Variants in SSBP2 observed in about 807,000 individuals in gnomAD.
The protein encoded by SSBP2 is single-stranded DNA-binding protein 2.
Under a neutral mutation model 61.8 loss-of-function variants are expected in SSBP2, and 17 were observed. That is an observed-to-expected ratio of 0.28 (90% CI 0.19 to 0.41). SSBP2 has a LOEUF of 0.41. Ranked by LOEUF, SSBP2 falls within the 10% of genes least tolerant of loss-of-function variation. The pLI is 1.00. For missense variants in SSBP2, 310 were observed against 458.7 expected (o/e 0.68, Z 2.96); for synonymous variants, 139 against 141.3 (o/e 0.98, Z 0.12).
chr5:81,457,507 T>A (rs559628987), intron 10 of SSBP2, among the ~76,000 whole-genome samples: 2 of 152,250 alleles, frequency 1.3e-5, no homozygotes, highest in African/African-American at 4.8e-5. Context: ...ACATTCAAAG[T>A]AAGTCTCTAA....
chr5:81,492,446 G>C (rs1421915376), intron 5 of SSBP2, among the ~76,000 whole-genome samples: 4 of 152,320 alleles, frequency 2.6e-5, no homozygotes, highest in Admixed American at 6.5e-5. Context: ...GGAGGTTGCA[G>C]TGAACGGAGA....
rs574229603 is a variant in SSBP2 at position 81,605,098 on chromosome 5, T to C, written c.282+10375A>G. Among the ~76,000 whole-genome samples the C allele has an allele frequency of 2.6e-5, 4 of 152,226 alleles. No homozygotes were observed. In the South Asian group the frequency reaches 8.3e-4, roughly 32 times the overall value. On this transcript the variant is annotated intron_variant, in intron 4 of 16. Transcript: ENST00000320672. ...CTTAGAATATCTAAACTACAAAAAT[T>C]AAAACCCTAAAGTGAATTACTGTTT...
chr5:81,472,269 G>C (rs1765297822), intron 8 of SSBP2, among the ~76,000 whole-genome samples: 1 of 152,094 alleles, frequency 6.6e-6, no homozygotes, highest in South Asian at 2.1e-4. Flanking sequence ...GCTTTCCCAA[G>C]AGAGACAAAG....
chr5:81,649,512 A>G (rs888758944), intron 2 of SSBP2, among the ~76,000 whole-genome samples: 3 of 152,142 alleles, frequency 2.0e-5, no homozygotes, highest in Non-Finnish European at 4.4e-5. Context: ...TAAACAAATT[A>G]ACACAAGAAC....
chr5:81,535,970 G>A (rs1411489942), intron 4 of SSBP2, among the ~76,000 whole-genome samples: 2 of 152,026 alleles, frequency 1.3e-5, no homozygotes, highest in African/African-American at 4.8e-5. Flanking sequence ...GCCACAGACT[G>A]GGAGAAAATA....
chr5:81,638,526 A>G (rs888328060), intron 2 of SSBP2, among the ~76,000 whole-genome samples: 1 of 147,680 alleles, frequency 6.8e-6, no homozygotes, highest in Non-Finnish European at 1.5e-5. Context: ...CTCAGAGGGA[A>G]AAAAAAAAAA....
chr5:81,645,830 T>A (rs1749204855), intron 2 of SSBP2, among the ~76,000 whole-genome samples: 1 of 152,154 alleles, frequency 6.6e-6, no homozygotes, highest in Non-Finnish European at 1.5e-5. Context: ...ATAAACTACA[T>A]TTTGGATTCA....
intron 1 of SSBP2, among the ~76,000 whole-genome samples, chr5:81,705,045 A>G (rs981972496): frequency 2.0e-5 from 3 of 152,114 alleles, no homozygotes; most frequent in Admixed American, 6.5e-5. Flanking sequence ...AAGTATTCAA[A>G]ACACACAAAA....
chr5:81,700,489 G>C (rs984845386), intron 1 of SSBP2, among the ~76,000 whole-genome samples: 3 of 152,162 alleles, frequency 2.0e-5, no homozygotes, highest in African/African-American at 7.2e-5. Context: ...ATAAGCATTG[G>C]CTTCAGCTTA....
chr5:81,464,949 T>C (rs1764788795), intron 9 of SSBP2, among the ~76,000 whole-genome samples: 1 of 152,202 alleles, frequency 6.6e-6, no homozygotes, highest in Non-Finnish European at 1.5e-5. Flanking sequence ...GGAGATAATA[T>C]GTTTCACTTT....
chr5:81,552,889 GATA>G (rs1427886042), intron 4 of SSBP2, among the ~76,000 whole-genome samples: 1 of 151,942 alleles, frequency 6.6e-6, no homozygotes, highest in Non-Finnish European at 1.5e-5. Context: ...TACAGCAATG[GATA>G]ATATTACACA....
At chr5:81,709,999 A>G (rs1430664818) in intron 1 of SSBP2, among the ~76,000 whole-genome samples, 1 of 152,068 alleles carries the variant, frequency 6.6e-6, no homozygotes, top group Non-Finnish European at 1.5e-5. Context: ...TATACTTAAC[A>G]ACTAAAATAT....
intron 4 of SSBP2, among the ~76,000 whole-genome samples, chr5:81,607,997 T>C (rs1364369263): frequency 6.6e-6 from 1 of 152,086 alleles, no homozygotes; most frequent in African/African-American, 2.4e-5. Context: ...CAAGTTGTAT[T>C]TTCCCTTGTT....
intron 1 of SSBP2, among the ~76,000 whole-genome samples, chr5:81,688,417 T>G (rs947135164): frequency 6.6e-6 from 1 of 152,164 alleles, no homozygotes; most frequent in African/African-American, 2.4e-5. Flanking sequence ...CCCTAGGGCC[T>G]TGAGCAACCA....
chr5:81,654,348 CT>C (rs2153723501), intron 1 of SSBP2, among the ~76,000 whole-genome samples: 1 of 152,262 alleles, frequency 6.6e-6, no homozygotes, highest in East Asian at 1.9e-4. Flanking sequence ...TTCATAGTAC[CT>C]TTTGCTCACC....
At chr5:81,702,487 T>A (rs963624029) in intron 1 of SSBP2, among the ~76,000 whole-genome samples, 8 of 152,160 alleles carry the variant, frequency 5.3e-5, no homozygotes, top group Non-Finnish European at 1.0e-4. Flanking sequence ...TGCAAAGCAA[T>A]AGAAACAAAA....
intron 4 of SSBP2, among the ~76,000 whole-genome samples, chr5:81,526,564 TG>T (rs1443684898): frequency 6.6e-6 from 1 of 152,052 alleles, no homozygotes; most frequent in Admixed American, 6.6e-5. Flanking sequence ...ATATGACAGT[TG>T]TTCACATAAA....
At chr5:81,533,337 A>G (rs186855694) in intron 4 of SSBP2, among the ~76,000 whole-genome samples, 1 of 151,998 alleles carries the variant, frequency 6.6e-6, no homozygotes, top group East Asian at 1.9e-4. Context: ...AATGAGTAAT[A>G]ATGAAAATAT....
intron 1 of SSBP2, among the ~76,000 whole-genome samples, chr5:81,719,832 G>A (rs1755431395): frequency 6.6e-6 from 1 of 152,112 alleles, no homozygotes; most frequent in Admixed American, 6.6e-5. Context: ...GCTGGTTTGA[G>A]AAATTTCAGT....
Sources: gnomAD v4.1 joint callset for allele counts (sites outside exome capture counted in the v4.1 genomes callset) on GRCh38, gnomAD v4.1.1 for gene constraint, MANE v1.5 for transcripts, NCBI Gene and HGNC (gene_info 2026-07-23, HGNC 2026-07-21) for gene names.